CHD8: variants seen among roughly 807,000 people sequenced by gnomAD.
CHD8 encodes the protein ATP-dependent chromatin remodeler CHD8.
CHD8 carries 31 observed loss-of-function variants against 279.2 expected under a neutral mutation model. The observed-to-expected ratio is 0.11, with a 90% confidence interval of 0.08 to 0.15. The LOEUF is 0.15. CHD8 is among the 10% of genes least tolerant of loss of function. CHD8 has a pLI of 1.00. For synonymous variants in CHD8, 1,081 were observed against 1,139.6 expected, an observed-to-expected ratio of 0.95 and a Z score of 1.04; for missense variants, 2,146 against 3,230.5, an observed-to-expected ratio of 0.66 and a Z score of 8.14.
chr14:21,451,889 AC>A (rs1355555517), intron 1 of CHD8, among the ~76,000 whole-genome samples: 1 of 152,248 alleles, frequency 6.6e-6, no homozygotes, highest in African/African-American at 2.4e-5. Context: ...TGTAGTTTAA[AC>A]GTAAAACATT....
At chr14:21,386,266 T>C (rs1887229326) in intron 37 of CHD8, 90 bp from the exon 38 acceptor site, 2 of 1,263,244 alleles carry the variant, frequency 1.6e-6, no homozygotes, top group South Asian at 3.1e-5. Context: ...TTACAATGCT[T>C]TTTTACTGAA....
At chr14:21,436,649 G>T (rs2139553782) in intron 1 of CHD8, among the ~76,000 whole-genome samples, 1 of 152,278 alleles carries the variant, frequency 6.6e-6, no homozygotes, top group South Asian at 2.1e-4. Context: ...GAAAGAGAAA[G>T]CACTCACACC....
rs1057524677 is a variant in CHD8, at chr14:21,426,154, G to T, written c.1690C>A (p.Arg564=). The T allele has an allele frequency of 1.2e-6, 2 of 1,608,242 alleles. No homozygotes were observed. The highest frequency in any genetic ancestry group is 3.3e-5 in the Admixed American group (2 of 59,798). Residue 564 remains arginine (R), a synonymous_variant, in exon 5 of 38, where the codon CGA becomes AGA. Transcript: ENST00000646647. ...TGAATGCTGCTTTCTTCATCTTCTC[G>T]AGGTGACTGTGCAGGCATGACTTCC... ...DVEVMPAQSP[R]EDEESSIQKR... is the part of the protein sequence containing the mutation.
At chr14:21,409,177 G>A (rs896050020) in intron 11 of CHD8, among the ~76,000 whole-genome samples, 1 of 152,174 alleles carries the variant, frequency 6.6e-6, no homozygotes, top group African/African-American at 2.4e-5. Flanking sequence ...AGTGGCTACT[G>A]TATTAGACAG....
In CHD8 at chr14:21,394,497, A is replaced by G. The variant is rs1887685351; in HGVS notation, c.5391-12T>C. ...CACGCCTTGTCCATCTACAAAAGGA[A>G]AAGTAGGGCAACAATAATCAGAAGA... On this transcript the variant is annotated splice_polypyrimidine_tract_variant and intron_variant, in intron 30 of 37. Transcript: ENST00000646647. 1 of 1,554,470 alleles carries G rather than the reference A, an allele frequency of 6.4e-7. No homozygotes were observed. Among genetic ancestry groups the G allele is most frequent in the African/African-American group, 1.4e-5 (1 of 73,736 alleles).
chr14:21,392,924 A>G, intron 33 of CHD8, 115 bp from the exon 34 acceptor site: 1 of 1,271,112 alleles, frequency 7.9e-7, no homozygotes, highest in Non-Finnish European at 1.1e-6. Flanking sequence ...AAGGCAGAAA[A>G]GAGGAAGTTA....
intron 2 of CHD8, 78 bp downstream of exon 2, chr14:21,430,723 C>T (rs1655550077): frequency 3.5e-6 from 3 of 866,194 alleles, no homozygotes; most frequent in South Asian, 1.7e-5. Context: ...AGAGAAAGCT[C>T]TCATGTGCTC....
chr14:21,428,427 GAAAGGGGTGAGAA>G (rs1348916734), intron 3 of CHD8, among the ~76,000 whole-genome samples, 173 bp from the exon 4 acceptor site: 1 of 152,164 alleles, frequency 6.6e-6, no homozygotes, highest in African/African-American at 2.4e-5. Flanking sequence ...CTTTTGGTGG[GAAAGGGGTGAGAA>G]AAACCAAGAA....
intron 1 of CHD8, among the ~76,000 whole-genome samples, chr14:21,438,057 T>G (rs1337072474): frequency 1.3e-5 from 2 of 152,182 alleles, no homozygotes; most frequent in African/African-American, 4.8e-5. Flanking sequence ...TCCACCAAAG[T>G]AAACTTGTTT....
chr14:21,443,348 G>A (rs143698466), intron 1 of CHD8, among the ~76,000 whole-genome samples: 1,824 of 152,028 alleles, frequency 0.012, 38 homozygotes, highest in African/African-American at 0.042. Flanking sequence ...CCGAGACTGC[G>A]CCACTGCACT....
At chr14:21,412,892 C>T (rs1371222288) in intron 10 of CHD8, 21 bp downstream of exon 10, 8 of 1,467,310 alleles carry the variant, frequency 5.5e-6, no homozygotes, top group Non-Finnish European at 6.7e-6. Context: ...GTTCACGTTA[C>T]TCCATGCCTC....
intron 27 of CHD8, chr14:21,396,983 A>G (rs763502499): frequency 1.2e-5 from 2 of 170,818 alleles, no homozygotes; most frequent in African/African-American, 4.8e-5. Flanking sequence ...TTGACAATGT[A>G]CCATTCGTAA....
intron 1 of CHD8, among the ~76,000 whole-genome samples, chr14:21,432,758 G>C (rs370316074): frequency 1.3e-5 from 2 of 152,108 alleles, no homozygotes. Flanking sequence ...AACCTCTGAC[G>C]CTTTAACAAC....
In CHD8 at chr14:21,415,927, T is replaced by C; in HGVS notation, c.1717-20A>G. On this transcript the variant is annotated intron_variant, in intron 5 of 37. Transcript: ENST00000646647. ...TCTCTTCTGTAGAGCAAAAAGTAGT[T>C]AGAGTGACTAGTTAGGTCTCTCACA... 6.2e-7 allele frequency: 1 copy of C among 1,601,056 alleles called. No homozygotes were observed. The highest frequency in any genetic ancestry group is 1.7e-5 in the Admixed American group (1 of 58,250).
intron 37 of CHD8, 158 bp from the exon 38 acceptor site, chr14:21,386,334 G>C: frequency 1.5e-6 from 1 of 646,608 alleles, no homozygotes; most frequent in African/African-American, 1.8e-5. Context: ...GGTGGTAATG[G>C]GAAGGAGGAA....
rs1887858814 is a variant in CHD8, at chr14:21,397,911, A to G, written c.4963T>C (p.Cys1655Arg). 6.2e-7 allele frequency: 1 copy of G among 1,611,766 alleles called. No individual in the cohort carries two copies. The change falls in exon 27 of 38, where the codon TGT becomes CGT. Residue 1655 changes from cysteine to arginine, a missense_variant. By Grantham distance (180) the Cys-to-Arg change is radical (BLOSUM62 -3). This residue lies in a region of CHD8 where 13 missense variants were observed against 48.7 expected (regional missense o/e 0.27). Transcript: ENST00000646647. ...GGTCGGCCAGCCTTTTCTAGGAAAC[A>G]TAAGGCTGGGTCTGCCCTCATGGTA... ...YNTMRADPAL[C>R]FLEKAGRPDD...
At chr14:21,442,968 CTAAT>C (rs1890021194) in intron 1 of CHD8, among the ~76,000 whole-genome samples, 2 of 152,184 alleles carry the variant, frequency 1.3e-5, no homozygotes, top group African/African-American at 4.8e-5. Context: ...CAATTCACCT[CTAAT>C]TAAGTCCTGT....
intron 34 of CHD8, 184 bp downstream of exon 34, chr14:21,392,323 A>C (rs1394700340): frequency 1.3e-6 from 1 of 745,928 alleles, no homozygotes; most frequent in Non-Finnish European, 2.3e-6. Flanking sequence ...ATTAATAATC[A>C]ATAGGGTTCA....
Position 21,415,595 on chromosome 14 carries a change from A to G in CHD8, c.1947T>C (p.Ser649=). The G allele has an allele frequency of 6.3e-7, 1 of 1,575,368 alleles. No individual in the cohort carries two copies. The highest frequency in any genetic ancestry group is 8.6e-7 in the Non-Finnish European group (1 of 1,159,674). The stretch of plus-strand genomic sequence containing the variant: ...TCACCTCCTTCTTCACAATCCGCAT[A>G]GAAAGCACTTTGTCTACAATGGCTG... ...EDAAIVDKVL[S]MRIVKKELPS... is the part of the protein sequence containing the mutation. Residue 649 remains serine, a synonymous_variant, in exon 7 of 38, where the codon TCT becomes TCC. Coordinates refer to ENST00000646647, the MANE Select transcript of CHD8 (RefSeq NM_001170629.2).
Sources: gnomAD v4.1 joint callset for allele counts (sites outside exome capture counted in the v4.1 genomes callset) on GRCh38, gnomAD v4.1.1 for gene constraint, gnomAD v4.1.1 regional missense constraint, MANE v1.5 for transcripts, NCBI Gene and HGNC (gene_info 2026-07-23, HGNC 2026-07-21) for gene names.